The following KMT2C variants were observed in gnomAD, a reference collection of about 807,000 sequenced individuals.
KMT2C encodes lysine methyltransferase 2C, also known as histone-lysine N-methyltransferase 2C.
A neutral mutation model predicts 507.9 loss-of-function variants in KMT2C; 88 were observed. That is an observed-to-expected ratio of 0.17 (90% CI 0.15 to 0.21). The LOEUF (loss-of-function observed/expected upper bound fraction) is 0.21, where lower values mean the gene tolerates loss of function less well. Ranked by LOEUF, KMT2C falls within the 10% of genes least tolerant of loss-of-function variation. KMT2C has a pLI of 1.00. For synonymous variants in KMT2C, 2,049 were observed against 2,080.8 expected (o/e 0.98, Z 0.42); for missense variants, 4,954 against 5,957.8 (o/e 0.83, Z 5.55).
chr7:152,180,917 T>A lies in KMT2C; in HGVS notation c.6943A>T (p.Thr2315Ser), dbSNP rs745858066. ...TPRSQSDSFG[T>S]SQTAHDVADQ... ...GCAACATCATGGGCAGTTTGACTTG[T>A]TCCAAAAGAGTCAGACTGAGATCTT... Residue 2315 changes from threonine (T) to serine (S), a missense_variant, in exon 36 of 59, where the codon ACA (threonine) becomes TCA (serine). Around this residue, in one of 29 missense-constraint regions of KMT2C, gnomAD observed 1,689 missense variants for 1,654.3 expected, o/e 1.02. Coordinates refer to ENST00000262189, the MANE Select transcript of KMT2C (RefSeq NM_170606.3). 1.2e-6 allele frequency: 2 copies of A among 1,614,160 alleles called. No individual in the cohort carries two copies. The highest frequency in any genetic ancestry group is 1.7e-6 in the Non-Finnish European group (2 of 1,180,030).
At chr7:152,190,277 A>G (rs2093752537) in intron 31 of KMT2C, among the ~76,000 whole-genome samples, 1 of 152,218 alleles carries the variant, frequency 6.6e-6, no homozygotes, top group Non-Finnish European at 1.5e-5. Context: ...GAGTTTATTG[A>G]CAAGGAGAAT....
chr7:152,249,673 C>CAAAAAAAAAAAAAAAAAA lies in KMT2C; in HGVS notation c.1813+185_1813+202dup, dbSNP rs1183345172. Among the ~76,000 whole-genome samples, 10 of 34,514 alleles carry CAAAAAAAAAAAAAAAAAA rather than the reference C, an allele frequency of 2.9e-4. No homozygotes were observed. The East Asian group carries it at 4.6e-3, about 16-fold the overall frequency. The allele number at this position is 34,514 out of a possible 152,430, so 22.6% of individuals were successfully genotyped here. ...ATTTTTAATCATGACCTCCCCCCTCCAAAAAAAAAAAAAAAAAAAAAAAAA... is the reference window on the plus strand; with the variant it reads ...ATTTTTAATCATGACCTCCCCCCTCCAAAAAAAAAAAAAAAAAAAAAAAAAAAAAAAAAAAAAAAAAAA... On this transcript the variant is annotated intron_variant, in intron 13 of 58. Coordinates refer to ENST00000262189, the MANE Select transcript of KMT2C (RefSeq NM_170606.3).
At chr7:152,434,027 T>C (rs1458796521) in intron 1 of KMT2C, among the ~76,000 whole-genome samples, 1 of 152,180 alleles carries the variant, frequency 6.6e-6, no homozygotes, top group African/African-American at 2.4e-5. Context: ...AATAGTGAAA[T>C]GGGAGGCAAT....
chr7:152,398,396 G>A (rs779166095), intron 1 of KMT2C, among the ~76,000 whole-genome samples: 7 of 152,098 alleles, frequency 4.6e-5, no homozygotes, highest in Non-Finnish European at 7.4e-5. Flanking sequence ...ATCAAATCAC[G>A]ATATAAATTA....
chr7:152,373,279 T>A (rs1351241174), intron 1 of KMT2C, among the ~76,000 whole-genome samples: 1 of 152,210 alleles, frequency 6.6e-6, no homozygotes, highest in African/African-American at 2.4e-5. Context: ...GTATACTCCA[T>A]GAAGACTAGA....
intron 23 of KMT2C, among the ~76,000 whole-genome samples, chr7:152,209,454 C>CAAA (rs71198766): frequency 0.044 from 3,088 of 70,862 alleles, 202 homozygotes; most frequent in African/African-American, 0.14. Flanking sequence ...GACTCCGTCT[C>CAAA]AAAAAAAAAA....
rs189165605 is a variant in KMT2C, at chr7:152,187,945, G to C, written c.4661-98C>G. The C allele has an allele frequency of 1.2e-5, 14 of 1,128,572 alleles. No homozygotes were observed. In the East Asian group the frequency reaches 2.7e-4, roughly 22 times the overall value. 69.9% of individuals were successfully genotyped at this position (1,128,572 alleles called of 1,614,324 possible). ...GAACAACATGGTTTTTAACTGCATG[G>C]GTCCACATAAACACACATTTTTTTC... On this transcript the variant is annotated intron_variant, in intron 31 of 58. Transcript: ENST00000262189.
In KMT2C at chr7:152,158,984, C is replaced by T. The variant is rs781280663; in HGVS notation, c.11549G>A (p.Arg3850Gln). The T allele has an allele frequency of 9.9e-6, 16 of 1,614,194 alleles. No individual in the cohort carries two copies. The highest frequency in any genetic ancestry group is 1.2e-5 in the Non-Finnish European group (14 of 1,180,040). The change falls in exon 44 of 59, where the codon CGA becomes CAA. Residue 3850 changes from arginine (R) to glutamine (Q), a missense_variant. Around this residue, in one of 29 missense-constraint regions of KMT2C, gnomAD observed 801 missense variants for 751.2 expected, o/e 1.07. Coordinates refer to ENST00000262189, the MANE Select transcript of KMT2C (RefSeq NM_170606.3). ...ACCCGTCCTCTGAGTCCGTTTGCTT[C>T]GCTGTTTCTTGGTTTCACTTCCTCC... ...TDGGSETKKQRSKRTQRTGEK... is the reference protein window; with the variant it reads ...TDGGSETKKQQSKRTQRTGEK...
At chr7:152,230,992 T>C (rs544291992) in intron 16 of KMT2C, among the ~76,000 whole-genome samples, 1 of 152,278 alleles carries the variant, frequency 6.6e-6, no homozygotes, top group East Asian at 1.9e-4. Context: ...AATTTCTGTA[T>C]TTTTAGTAGA....
chr7:152,192,802 C>T (rs538493283), intron 31 of KMT2C, among the ~76,000 whole-genome samples: 1 of 152,284 alleles, frequency 6.6e-6, no homozygotes, highest in Admixed American at 6.5e-5. Context: ...AAGATATCCT[C>T]ATGTTATTCA....
At chr7:152,240,082 T>C (rs1006447081) in intron 14 of KMT2C, among the ~76,000 whole-genome samples, 3 of 151,898 alleles carry the variant, frequency 2.0e-5, no homozygotes, top group Non-Finnish European at 2.9e-5. Context: ...GCAAACACTT[T>C]ATTTTTTTCC....
chr7:152,419,059 G>A (rs1401399608), intron 1 of KMT2C, among the ~76,000 whole-genome samples: 7 of 151,500 alleles, frequency 4.6e-5, no homozygotes, highest in Admixed American at 4.6e-4. Context: ...TCATTTAAAA[G>A]AAAAAAAATA....
At chr7:152,243,594 C>A (rs1261407965) in intron 14 of KMT2C, among the ~76,000 whole-genome samples, 1 of 152,024 alleles carries the variant, frequency 6.6e-6, no homozygotes, top group Non-Finnish European at 1.5e-5. Flanking sequence ...CCAGCCTAAC[C>A]AATATGGCGA....
chr7:152,265,416 G>A (rs1464888086), intron 7 of KMT2C, among the ~76,000 whole-genome samples: 5 of 152,136 alleles, frequency 3.3e-5, no homozygotes, highest in Middle Eastern at 3.4e-3. Flanking sequence ...AAATTTAATC[G>A]TATAGTTTTG....
At position 152,202,986 on chromosome 7, in the gene KMT2C, CTCT is replaced by C; in HGVS notation, c.4037_4039del (p.Lys1346del). On this transcript the variant is annotated inframe_deletion, in exon 26 of 59. Transcript: ENST00000262189. ...AAGCTTATTTTTCCTTTTTCGGTAT[CTCT>C]TCTTTATTTTTTCAGTGCTTTCAGT... The C allele has an allele frequency of 6.2e-7, 1 of 1,609,408 alleles. No individual in the cohort carries two copies. Among genetic ancestry groups the C allele is most frequent in the Non-Finnish European group, 8.5e-7 (1 of 1,177,006 alleles).
At chr7:152,182,854 G>A (rs2093479183) in intron 35 of KMT2C, 120 bp downstream of exon 35, 2 of 738,152 alleles carry the variant, frequency 2.7e-6, no homozygotes, top group Non-Finnish European at 4.3e-6. Context: ...AGAGAAACAA[G>A]TCTATCCTAA....
intron 3 of KMT2C, among the ~76,000 whole-genome samples, chr7:152,320,011 C>T (rs555500554): frequency 2.0e-5 from 3 of 152,106 alleles, no homozygotes; most frequent in Non-Finnish European, 4.4e-5. Flanking sequence ...GTCTCCGCGT[C>T]TTGGTGGTAG....
rs2129206547 is a variant in KMT2C, at chr7:152,321,844, T to C, written c.390-6506A>G. Reference sequence around the variant, plus strand: ...ATACTGTGAAACTAACTGTCCATACTACCCAAAGTGATCTACAGATTCAAT... The same window carrying C: ...ATACTGTGAAACTAACTGTCCATACCACCCAAAGTGATCTACAGATTCAAT... On this transcript the variant is annotated intron_variant, in intron 3 of 58. Coordinates refer to ENST00000262189, the MANE Select transcript of KMT2C (RefSeq NM_170606.3). Among the ~76,000 whole-genome samples, 2 of 152,084 alleles carry C rather than the reference T, an allele frequency of 1.3e-5. 1 individual carries two copies. The highest frequency in any genetic ancestry group is 4.1e-4 in the South Asian group (2 of 4,832).
intron 3 of KMT2C, among the ~76,000 whole-genome samples, chr7:152,326,550 T>C (rs1395165080): frequency 1.3e-5 from 2 of 152,182 alleles, no homozygotes; most frequent in African/African-American, 4.8e-5. Context: ...ATTATACATA[T>C]TCATTTAGAA....
Sources: gnomAD v4.1 joint callset for allele counts (sites outside exome capture counted in the v4.1 genomes callset) on GRCh38, gnomAD v4.1.1 for gene constraint, gnomAD v4.1.1 regional missense constraint, MANE v1.5 for transcripts, NCBI Gene and HGNC (gene_info 2026-07-23, HGNC 2026-07-21) for gene names.